Variants in ODAD2 observed in about 807,000 individuals in gnomAD.
The protein encoded by ODAD2 is outer dynein arm-docking complex subunit 2.
A neutral mutation model predicts 106.8 loss-of-function variants in ODAD2; 89 were observed. The observed-to-expected ratio is 0.83, with a 90% CI of 0.70 to 0.99. The LOEUF is 0.99. Among genes scored for constraint, ODAD2 ranks in the 50% least tolerant of loss-of-function variants. The pLI, the probability that ODAD2 is intolerant of heterozygous loss-of-function variation, is 0.00. For synonymous variants in ODAD2, 404 were observed against 436.2 expected (o/e 0.93, Z 0.92); for missense variants, 1,168 against 1,238.5 (o/e 0.94, Z 0.85).
At chr10:27,906,454 G>T (rs188362616) in intron 17 of ODAD2, among the ~76,000 whole-genome samples, 1 of 152,142 alleles carries the variant, frequency 6.6e-6, no homozygotes, top group Non-Finnish European at 1.5e-5. Flanking sequence ...ACAGTGTGGC[G>T]GTTCCTCAAG....
intron 7 of ODAD2, among the ~76,000 whole-genome samples, chr10:27,975,533 C>CA (rs1849135745): frequency 6.6e-6 from 1 of 152,022 alleles, no homozygotes. Flanking sequence ...CAACTTACAC[C>CA]AAATGAACAA....
intron 16 of ODAD2, among the ~76,000 whole-genome samples, chr10:27,924,552 T>C (rs1845104164): frequency 2.6e-5 from 1 of 38,668 alleles, no homozygotes; most frequent in South Asian, 7.4e-4. Context: ...GTTAATAAAA[T>C]AAAAAATTTT....
intron 6 of ODAD2, among the ~76,000 whole-genome samples, chr10:27,982,694 G>A (rs76957305): frequency 0.043 from 6,564 of 152,192 alleles, 218 homozygotes; most frequent in South Asian, 0.11. Flanking sequence ...GCAGTCCCCC[G>A]TGATGGCTGG....
At chr10:27,948,247 A>ATTT (rs35594396) in intron 10 of ODAD2, among the ~76,000 whole-genome samples, 1 of 151,284 alleles carries the variant, frequency 6.6e-6, no homozygotes, top group African/African-American at 2.4e-5. Context: ...GGCTTGAGGG[A>ATTT]TTTTTTTTTA....
At chr10:27,899,341 G>A (rs550980873) in intron 17 of ODAD2, among the ~76,000 whole-genome samples, 3 of 152,134 alleles carry the variant, frequency 2.0e-5, no homozygotes, top group Admixed American at 6.5e-5. Flanking sequence ...TCCCTCAGGC[G>A]CCCACACCAC....
chr10:27,852,652 CA>C (rs771713007), intron 19 of ODAD2, among the ~76,000 whole-genome samples: 24 of 152,058 alleles, frequency 1.6e-4, no homozygotes, highest in Non-Finnish European at 3.4e-4. Context: ...AAACAAATAA[CA>C]AGATGGTACA....
chr10:27,900,643 C>A (rs150830607), intron 17 of ODAD2, among the ~76,000 whole-genome samples: 4 of 152,060 alleles, frequency 2.6e-5, no homozygotes, highest in East Asian at 3.9e-4. Context: ...CTGAAAAACA[C>A]GGCAAAAGAA....
intron 19 of ODAD2, among the ~76,000 whole-genome samples, chr10:27,819,574 T>TA (rs56031733): frequency 0.057 from 4,186 of 73,960 alleles, 222 homozygotes; most frequent in African/African-American, 0.12. Context: ...CCCTGTCTCT[T>TA]AAAAAAAAAA....
chr10:27,938,222 A>G (rs909586240), intron 14 of ODAD2, among the ~76,000 whole-genome samples: 1 of 152,140 alleles, frequency 6.6e-6, no homozygotes, highest in Non-Finnish European at 1.5e-5. Flanking sequence ...TATAGGCTTG[A>G]GCCACCCAGT....
At chr10:27,999,164 T>G (rs1165607605), upstream of ODAD2, 3 of 152,174 alleles carry the variant, frequency 2.0e-5, no homozygotes, top group Non-Finnish European at 2.9e-5. Flanking sequence ...TCTCCCTTTC[T>G]CAAACACTTT....
At chr10:27,915,032 C>T (rs1011025572) in intron 16 of ODAD2, among the ~76,000 whole-genome samples, 7 of 152,018 alleles carry the variant, frequency 4.6e-5, no homozygotes, top group East Asian at 1.9e-4. Flanking sequence ...TTTGTGAAGG[C>T]GATAATCACA....
At chr10:27,827,379 C>CACTATATATA (rs1239159370) in intron 19 of ODAD2, among the ~76,000 whole-genome samples, 16 of 132,466 alleles carry the variant, frequency 1.2e-4, no homozygotes, top group African/African-American at 4.5e-4. Context: ...CACACACACA[C>CACTATATATA]TATATATATA....
chr10:27,876,373 C>T (rs1002699391), intron 17 of ODAD2, among the ~76,000 whole-genome samples: 1 of 152,222 alleles, frequency 6.6e-6, no homozygotes, highest in East Asian at 1.9e-4. Flanking sequence ...CAGGCAGCAA[C>T]ATTTGCTGTT....
intron 10 of ODAD2, among the ~76,000 whole-genome samples, chr10:27,959,524 T>G (rs1322634247): frequency 6.6e-6 from 1 of 152,086 alleles, no homozygotes; most frequent in Non-Finnish European, 1.5e-5. Context: ...TGCGTGCCAG[T>G]CTGGACCACT....
chr10:27,919,005 C>T (rs892900936), intron 16 of ODAD2, among the ~76,000 whole-genome samples: 2 of 151,482 alleles, frequency 1.3e-5, no homozygotes, highest in African/African-American at 2.4e-5. Context: ...ATGTGCAATG[C>T]TCTACATTGC....
chr10:27,933,986 A>T (rs1298102025), intron 16 of ODAD2, among the ~76,000 whole-genome samples: 5 of 152,070 alleles, frequency 3.3e-5, no homozygotes, highest in African/African-American at 1.2e-4. Context: ...TGTGGGAGAG[A>T]CCCGGTGGGA....
At chr10:27,983,816 T>C in intron 6 of ODAD2, 27 bp downstream of exon 6, 1 of 1,608,372 alleles carries the variant, frequency 6.2e-7, no homozygotes, top group Non-Finnish European at 8.5e-7. Flanking sequence ...CCACTGGCTT[T>C]AGTTACGTTT....
At chr10:27,854,265 G>C (rs1428695187) in intron 19 of ODAD2, among the ~76,000 whole-genome samples, 2 of 152,148 alleles carry the variant, frequency 1.3e-5, no homozygotes, top group Non-Finnish European at 2.9e-5. Context: ...TGGTGGGAAT[G>C]CAAAAATGGC....
intron 17 of ODAD2, among the ~76,000 whole-genome samples, chr10:27,906,859 G>A (rs1335664704): frequency 6.6e-6 from 1 of 152,138 alleles, no homozygotes; most frequent in Admixed American, 6.5e-5. Context: ...ATCGGGGCCT[G>A]TCAGGGGGTG....
Sources: gnomAD v4.1 joint callset for allele counts (sites outside exome capture counted in the v4.1 genomes callset) on GRCh38, gnomAD v4.1.1 for gene constraint, MANE v1.5 for transcripts, NCBI Gene and HGNC (gene_info 2026-07-23, HGNC 2026-07-21) for gene names.